Variants in ZNF521 observed in about 807,000 individuals in gnomAD.
ZNF521 encodes LYST-interacting protein 3.
In ZNF521, 14 loss-of-function variants were observed where a neutral mutation model predicts 105.5. That is an observed-to-expected ratio of 0.13 (90% CI 0.09 to 0.21). The LOEUF (loss-of-function observed/expected upper bound fraction) is 0.21, where lower values mean the gene tolerates loss of function less well. ZNF521 is among the 10% of genes least tolerant of loss of function. The pLI is 1.00. For synonymous variants in ZNF521, 635 were observed against 606.0 expected, an observed-to-expected ratio of 1.05 and a Z score of -0.70; for missense variants, 1,233 against 1,629.7, an observed-to-expected ratio of 0.76 and a Z score of 4.19.
intron 5 of ZNF521, among the ~76,000 whole-genome samples, chr18:25,146,428 T>C (rs936807588): frequency 6.6e-5 from 10 of 152,188 alleles, no homozygotes; most frequent in Admixed American, 5.9e-4. Context: ...CTAGGATATA[T>C]AAAAAGCATT....
At chr18:25,304,460 T>C (rs1248893907) in intron 3 of ZNF521, among the ~76,000 whole-genome samples, 1 of 152,252 alleles carries the variant, frequency 6.6e-6, no homozygotes, top group African/African-American at 2.4e-5. Context: ...TTCGGTTTTT[T>C]GTGTGTGTGC....
intron 3 of ZNF521, among the ~76,000 whole-genome samples, chr18:25,297,186 C>T (rs1384118006): frequency 1.3e-5 from 2 of 151,644 alleles, no homozygotes; most frequent in African/African-American, 2.4e-5. Flanking sequence ...AAACAAGAGC[C>T]ACATTCTCTA....
At chr18:25,335,248 G>A (rs1479916894) in intron 2 of ZNF521, among the ~76,000 whole-genome samples, 2 of 152,142 alleles carry the variant, frequency 1.3e-5, no homozygotes, top group East Asian at 3.9e-4. Flanking sequence ...GTAGTTCCTA[G>A]AATTATAAAT....
At chr18:25,138,696 G>T (rs1198680228) in intron 5 of ZNF521, among the ~76,000 whole-genome samples, 9 of 152,120 alleles carry the variant, frequency 5.9e-5, no homozygotes, top group African/African-American at 2.2e-4. Flanking sequence ...TAATAATTTT[G>T]TCCTGGAAGA....
At chr18:25,328,258 C>T (rs889795466) in intron 2 of ZNF521, among the ~76,000 whole-genome samples, 1 of 152,134 alleles carries the variant, frequency 6.6e-6, no homozygotes, top group Non-Finnish European at 1.5e-5. Context: ...AGGTCTATCA[C>T]GGTCCTTGAA....
chr18:25,207,390 G>T (rs1470525131), intron 4 of ZNF521, among the ~76,000 whole-genome samples: 2 of 152,120 alleles, frequency 1.3e-5, no homozygotes, highest in East Asian at 3.9e-4. Flanking sequence ...ACTCATCGGG[G>T]CTCCTCGGGG....
chr18:25,331,205 C>T (rs535730520), intron 2 of ZNF521, among the ~76,000 whole-genome samples: 2 of 152,222 alleles, frequency 1.3e-5, no homozygotes, highest in East Asian at 1.9e-4. Context: ...TTAAACCGAG[C>T]CTCAAGGACT....
intron 4 of ZNF521, among the ~76,000 whole-genome samples, chr18:25,213,619 T>C (rs780114850): frequency 6.6e-6 from 1 of 152,124 alleles, no homozygotes; most frequent in Non-Finnish European, 1.5e-5. Context: ...AGTATTTTTG[T>C]CTGGTTTTGA....
chr18:25,226,830 A>C lies in ZNF521; in HGVS notation c.1088T>G (p.Leu363Arg), dbSNP rs1393569978. 1 of 1,613,474 alleles carries C rather than the reference A, an allele frequency of 6.2e-7. No homozygotes were observed. Among genetic ancestry groups the C allele is most frequent in the Non-Finnish European group, 8.5e-7 (1 of 1,179,872 alleles). ...SVSSTTPDSN[L>R]SVDSSTMVEA... ...CACCATGGTTGAGCTGTCCACTGAGAGGTTGGAATCTGGAGTCGTACTGGA... is the reference window on the plus strand; with the variant it reads ...CACCATGGTTGAGCTGTCCACTGAGCGGTTGGAATCTGGAGTCGTACTGGA... The change falls in exon 4 of 8, where the codon CTC (leucine) becomes CGC (arginine). Residue 363 changes from leucine to arginine, a missense_variant. Physicochemically the swap from Leu to Arg is moderately radical, Grantham distance 102 (BLOSUM62 -2). This residue lies in a region of ZNF521 where 380 missense variants were observed against 478.0 expected (regional missense o/e 0.80). Coordinates refer to ENST00000361524, the MANE Select transcript of ZNF521 (RefSeq NM_015461.3). The surrounding 1 kb of genome is among the most constrained non-coding windows in gnomAD (Gnocchi z 4.1).
chr18:25,217,964 G>C (rs1416384573), intron 4 of ZNF521, among the ~76,000 whole-genome samples: 5 of 152,178 alleles, frequency 3.3e-5, no homozygotes, highest in African/African-American at 1.2e-4. Context: ...CAAGAGGAGA[G>C]AGGTTATTTG....
chr18:25,214,584 T>G (rs2036248386), intron 4 of ZNF521, among the ~76,000 whole-genome samples: 2 of 152,212 alleles, frequency 1.3e-5, no homozygotes, highest in South Asian at 4.1e-4. Flanking sequence ...ACTTTTGAAA[T>G]GTATTTATCC....
intron 2 of ZNF521, among the ~76,000 whole-genome samples, chr18:25,323,887 T>C (rs1913066387): frequency 1.3e-5 from 2 of 151,996 alleles, no homozygotes; most frequent in Admixed American, 6.5e-5. Flanking sequence ...CAAAATCAAC[T>C]TATATCACCA....
chr18:25,226,547 C>G lies in ZNF521; in HGVS notation c.1371G>C (p.Lys457Asn), dbSNP rs1600179972. The change falls in exon 4 of 8, where the codon AAG becomes AAC. Residue 457 changes from lysine to asparagine, a missense_variant. Lys to Asn is a moderately conservative substitution (Grantham distance 94). Transcript: ENST00000361524. This position sits in a 1 kb window ranked among gnomAD's most constrained non-coding sequence, Gnocchi z 4.1. ...PSLYNLNEHL[K>N]QVHEAQDPGL... ...CTGGGTCCTGAGCTTCATGCACTTG[C>G]TTAAGATGTTCATTTAGGTTATAGA... 1 of 1,614,118 alleles carries G rather than the reference C, an allele frequency of 6.2e-7. No homozygotes were observed. The highest frequency in any genetic ancestry group is 1.6e-4 in the Middle Eastern group (1 of 6,062).
chr18:25,085,401 T>C (rs548114111), intron 7 of ZNF521, among the ~76,000 whole-genome samples: 8 of 151,964 alleles, frequency 5.3e-5, no homozygotes, highest in Non-Finnish European at 1.2e-4. Flanking sequence ...AAACGTTTCA[T>C]AGAAATAAGG....
At chr18:25,103,864 C>T (rs1257971441) in intron 5 of ZNF521, among the ~76,000 whole-genome samples, 1 of 151,880 alleles carries the variant, frequency 6.6e-6, no homozygotes, top group Non-Finnish European at 1.5e-5. Flanking sequence ...AGACAAAAGA[C>T]TCGTGGTAAG....
At chr18:25,218,092 A>T (rs1178052808) in intron 4 of ZNF521, among the ~76,000 whole-genome samples, 3 of 152,182 alleles carry the variant, frequency 2.0e-5, no homozygotes, top group African/African-American at 7.2e-5. Context: ...GAAAGCCGAA[A>T]CCTGAAGGGT....
chr18:25,154,482 C>T (rs1345178644), intron 5 of ZNF521, among the ~76,000 whole-genome samples: 1 of 152,074 alleles, frequency 6.6e-6, no homozygotes, highest in African/African-American at 2.4e-5. Context: ...GGAAAAGAGG[C>T]AAAATAGGCA....
At chr18:25,266,642 A>C (rs1395548251) in intron 3 of ZNF521, among the ~76,000 whole-genome samples, 8 of 152,084 alleles carry the variant, frequency 5.3e-5, no homozygotes, top group Admixed American at 1.3e-4. Flanking sequence ...GAGAAGTGCA[A>C]GGGGTCGGGG....
chr18:25,135,063 T>C (rs973397937), intron 5 of ZNF521, among the ~76,000 whole-genome samples: 1 of 152,070 alleles, frequency 6.6e-6, no homozygotes, highest in African/African-American at 2.4e-5. Flanking sequence ...GCAGGAAGCG[T>C]AGAAAATTAT....
Sources: gnomAD v4.1 joint callset for allele counts (sites outside exome capture counted in the v4.1 genomes callset) on GRCh38, gnomAD v4.1.1 for gene constraint, gnomAD v4.1.1 regional missense constraint, Gnocchi (gnomAD v3.1) non-coding constraint, MANE v1.5 for transcripts, NCBI Gene and HGNC (gene_info 2026-07-23, HGNC 2026-07-21) for gene names.